ZMIZ1: variants seen among roughly 807,000 people sequenced by gnomAD.
ZMIZ1 encodes zinc finger MIZ domain-containing protein 1.
In ZMIZ1, 17 loss-of-function variants were observed where a neutral mutation model predicts 113.9. The observed-to-expected ratio is 0.15, with a 90% CI of 0.10 to 0.22. The LOEUF (loss-of-function observed/expected upper bound fraction) is 0.22. ZMIZ1 is among the 10% of genes least tolerant of loss of function. ZMIZ1 has a pLI of 1.00. For missense variants in ZMIZ1, 1,059 were observed against 1,477.8 expected, an observed-to-expected ratio of 0.72 and a Z score of 4.65; for synonymous variants, 607 against 603.1, an observed-to-expected ratio of 1.01 and a Z score of -0.09.
In ZMIZ1 at chr10:79,293,646, C is replaced by T; in HGVS notation, c.1223C>T (p.Pro408Leu). 6.2e-7 allele frequency: 1 copy of T among 1,613,134 alleles called. No individual in the cohort carries two copies. Among genetic ancestry groups the T allele is most frequent in the Non-Finnish European group, 8.5e-7 (1 of 1,180,026 alleles). ...LPIQNIKRPYPGEPNYGNQQY... is the reference protein window; with the variant it reads ...LPIQNIKRPYLGEPNYGNQQY... ...ATTCAGAACATAAAGAGGCCATACCCTGGAGAGGTGAGTGCAGCAGTGGGA... is the reference window on the plus strand; with the variant it reads ...ATTCAGAACATAAAGAGGCCATACCTTGGAGAGGTGAGTGCAGCAGTGGGA... The change falls in exon 12 of 25, where the codon CCT (proline) becomes CTT (leucine). Residue 408 changes from proline to leucine, a missense_variant. Around this residue, in one of 6 missense-constraint regions of ZMIZ1, gnomAD observed 239 missense variants for 247.5 expected, o/e 0.97. Transcript: ENST00000334512.
intron 11 of ZMIZ1, chr10:79,292,951 G>T (rs1469807644): frequency 2.2e-6 from 1 of 459,468 alleles, no homozygotes; most frequent in Non-Finnish European, 4.3e-6. Flanking sequence ...GCCTCCACTG[G>T]CCCAGGACCA....
chr10:79,156,865 C>T (rs1286272901), intron 3 of ZMIZ1, among the ~76,000 whole-genome samples: 1 of 152,208 alleles, frequency 6.6e-6, no homozygotes, highest in Non-Finnish European at 1.5e-5. Context: ...CCCAGAGCAC[C>T]AAGTCCCTGG....
rs548864007 is a variant in ZMIZ1 at position 79,279,961 on chromosome 10, G to A, written c.425+2636G>A. On this transcript the variant is annotated intron_variant, in intron 8 of 24. Transcript: ENST00000334512. Reference sequence around the variant, plus strand: ...TCAGAGGGAGAGACCGTGCAAAGGGGAGAGGGGGAGGGAGAGGGGTATTAT... The same window carrying A: ...TCAGAGGGAGAGACCGTGCAAAGGGAAGAGGGGGAGGGAGAGGGGTATTAT... 8.6e-5 allele frequency among the ~76,000 whole-genome samples: 13 copies of A among 151,928 alleles called. No homozygotes were observed. The South Asian group carries it at 1.7e-3, about 19-fold the overall frequency.
At chr10:79,231,923 C>G (rs549205832) in intron 7 of ZMIZ1, among the ~76,000 whole-genome samples, 1 of 152,288 alleles carries the variant, frequency 6.6e-6, no homozygotes, top group East Asian at 1.9e-4. Context: ...TGCAGCTAGT[C>G]CAGTGAGACT....
At chr10:79,221,529 G>A (rs1488928125) in intron 7 of ZMIZ1, among the ~76,000 whole-genome samples, 3 of 152,152 alleles carry the variant, frequency 2.0e-5, no homozygotes, top group African/African-American at 4.8e-5. Context: ...TCCCCAGGCC[G>A]GGCCTTAGCA....
chr10:79,070,836 G>GCCTCCCTC (rs34754058), intron 1 of ZMIZ1, among the ~76,000 whole-genome samples: 6 of 150,076 alleles, frequency 4.0e-5, no homozygotes, highest in East Asian at 2.0e-4. Context: ...CTGCCCGCCT[G>GCCTCCCTC]CCTCCCTCCC....
At position 79,308,677 on chromosome 10, in the gene ZMIZ1, A is replaced by G. The variant is rs1313860275; in HGVS notation, c.2835+1106A>G. ...TAGATGCTTTGTGGAGCTTTGGCCA[A>G]GTTTTTCAAAGTTACTCTCTGCCCC... is the stretch of plus-strand genomic sequence containing the variant. On this transcript the variant is annotated intron_variant, in intron 23 of 24. Coordinates refer to ENST00000334512, the MANE Select transcript of ZMIZ1 (RefSeq NM_020338.4). Among the ~76,000 whole-genome samples, 3 of 152,060 alleles carry G rather than the reference A, an allele frequency of 2.0e-5. 1 individual carries two copies. The highest frequency in any genetic ancestry group is 4.1e-4 in the South Asian group (2 of 4,830).
At chr10:79,187,768 C>T (rs1025400745) in intron 4 of ZMIZ1, among the ~76,000 whole-genome samples, 9 of 152,302 alleles carry the variant, frequency 5.9e-5, no homozygotes, top group African/African-American at 9.6e-5. Flanking sequence ...TGAGCACAGG[C>T]GGTGCAGAGC....
At chr10:79,135,429 T>G (rs73298194) in intron 2 of ZMIZ1, among the ~76,000 whole-genome samples, 1,925 of 152,308 alleles carry the variant, frequency 0.013, 43 homozygotes, top group African/African-American at 0.043. Context: ...TGGGACTCTG[T>G]TGGGGGAGGC....
At chr10:79,276,033 A>G (rs1271090522) in intron 7 of ZMIZ1, among the ~76,000 whole-genome samples, 1 of 152,210 alleles carries the variant, frequency 6.6e-6, no homozygotes, top group African/African-American at 2.4e-5. Flanking sequence ...CTACTTCCAT[A>G]ACGCTCAGGT....
intron 4 of ZMIZ1, among the ~76,000 whole-genome samples, chr10:79,187,287 C>A (rs1225345587): frequency 2.0e-5 from 3 of 152,232 alleles, no homozygotes; most frequent in Non-Finnish European, 4.4e-5. Context: ...ATTCCCTCTC[C>A]CATGCCTGGC....
intron 2 of ZMIZ1, among the ~76,000 whole-genome samples, chr10:79,123,482 G>A (rs1445676301): frequency 2.0e-5 from 3 of 152,202 alleles, no homozygotes; most frequent in Non-Finnish European, 4.4e-5. Context: ...CATGAAGAGT[G>A]GAGGTGGCAG....
At chr10:79,312,502 G>A (rs1211738141) in intron 24 of ZMIZ1, 140 bp from the exon 25 acceptor site, 3 of 839,782 alleles carry the variant, frequency 3.6e-6, no homozygotes, top group East Asian at 2.4e-5. Flanking sequence ...CCAAGCCCAA[G>A]GCTGTTCTCT....
chr10:79,313,759 T>G lies in ZMIZ1; in HGVS notation c.*1010T>G. 3.1e-6 allele frequency: 1 copy of G among 324,384 alleles called. No individual in the cohort carries two copies. Among genetic ancestry groups the G allele is most frequent in the South Asian group, 2.5e-5 (1 of 39,968 alleles). 20.1% of individuals were successfully genotyped at this position (324,384 alleles called of 1,614,324 possible). ...GCAAACCATTTCTCTCCGTCTGTTCTGTTTTTCTCCTAGTCCCTCTCCTGC... is the reference window on the plus strand; with the variant it reads ...GCAAACCATTTCTCTCCGTCTGTTCGGTTTTTCTCCTAGTCCCTCTCCTGC... On this transcript the variant is annotated 3_prime_UTR_variant, in exon 25 of 25. Coordinates refer to ENST00000334512, the MANE Select transcript of ZMIZ1 (RefSeq NM_020338.4).
intron 7 of ZMIZ1, among the ~76,000 whole-genome samples, chr10:79,272,310 A>G (rs1851997345): frequency 6.6e-6 from 1 of 152,194 alleles, no homozygotes; most frequent in Admixed American, 6.5e-5. Flanking sequence ...AAATAGCACA[A>G]TAACCCTAAA....
intron 7 of ZMIZ1, among the ~76,000 whole-genome samples, chr10:79,262,944 T>G (rs1851360607): frequency 6.6e-6 from 1 of 152,184 alleles, no homozygotes; most frequent in Admixed American, 6.5e-5. Context: ...GGAAAAGGAA[T>G]GGAACGACCG....
intron 4 of ZMIZ1, among the ~76,000 whole-genome samples, chr10:79,173,491 C>T (rs1348702592): frequency 1.3e-5 from 2 of 152,052 alleles, no homozygotes; most frequent in Admixed American, 6.5e-5. Context: ...CCACAGAGGA[C>T]AGTGGACAGT....
intron 23 of ZMIZ1, 143 bp downstream of exon 23, chr10:79,307,714 C>A (rs1854823608): frequency 4.2e-6 from 4 of 961,360 alleles, no homozygotes; most frequent in East Asian, 2.7e-5. Context: ...AGGGGTCTAA[C>A]TGAGGCTACG....
chr10:79,146,483 C>T (rs1364929846), intron 3 of ZMIZ1, among the ~76,000 whole-genome samples: 2 of 152,224 alleles, frequency 1.3e-5, no homozygotes, highest in Non-Finnish European at 2.9e-5. Flanking sequence ...ACTCCAGCTA[C>T]AAAACCACTG....
Sources: gnomAD v4.1 joint callset for allele counts (sites outside exome capture counted in the v4.1 genomes callset) on GRCh38, gnomAD v4.1.1 for gene constraint, gnomAD v4.1.1 regional missense constraint, MANE v1.5 for transcripts, NCBI Gene and HGNC (gene_info 2026-07-23, HGNC 2026-07-21) for gene names.